TRPM6: variants seen among roughly 807,000 people sequenced by gnomAD.
The protein encoded by TRPM6 is transient receptor potential cation channel subfamily M member 6.
TRPM6 carries 111 observed loss-of-function variants against 247.6 expected under a neutral mutation model. The observed-to-expected ratio is 0.45, with a 90% confidence interval of 0.38 to 0.52. The LOEUF (loss-of-function observed/expected upper bound fraction) is 0.52, where lower values mean the gene tolerates loss of function less well. Among genes scored for constraint, TRPM6 ranks in the 20% least tolerant of loss-of-function variants. The pLI is 0.00. For missense variants in TRPM6, 2,126 were observed against 2,421.5 expected, an observed-to-expected ratio of 0.88 and a Z score of 2.56; for synonymous variants, 892 against 853.8, an observed-to-expected ratio of 1.04 and a Z score of -0.78.
chr9:74,792,798 T>G (rs776583342), intron 18 of TRPM6, 28 bp from the exon 19 acceptor site: 31 of 1,604,690 alleles, frequency 1.9e-5, no homozygotes, highest in African/African-American at 2.7e-5. Flanking sequence ...AATCATTTTC[T>G]TGTCAGCAGC....
chr9:74,822,069 A>G (rs1440974859), intron 7 of TRPM6, among the ~76,000 whole-genome samples: 2 of 152,222 alleles, frequency 1.3e-5, no homozygotes, highest in African/African-American at 4.8e-5. Context: ...TTACCAGGTA[A>G]AAAGGCTTTC....
Position 74,820,417 on chromosome 9 carries a change from G to T in TRPM6, c.1021C>A (p.Pro341Thr), listed in dbSNP as rs1194925266. 1.9e-6 allele frequency: 3 copies of T among 1,614,116 alleles called. No homozygotes were observed. The highest frequency in any genetic ancestry group is 2.5e-6 in the Non-Finnish European group (3 of 1,180,026). The change falls in exon 9 of 39, where the codon CCT becomes ACT. Residue 341 changes from proline (P) to threonine (T), a missense_variant. By Grantham distance (38) the Pro-to-Thr change is conservative. Transcript: ENST00000360774. ...CAGATGATCTCCTCTTTCACCTGAG[G>T]TCGCAGCATCCTGGAAGAGAAATAA... ...KHLADEGMLR[P>T]QVKEEIICMI...
At position 74,842,194 on chromosome 9, in the gene TRPM6, T is replaced by G; in HGVS notation, c.302A>C (p.Gln101Pro). 6.2e-7 allele frequency: 1 copy of G among 1,614,194 alleles called. No homozygotes were observed. Among genetic ancestry groups the G allele is most frequent in the Non-Finnish European group, 8.5e-7 (1 of 1,180,026 alleles). Residue 101 changes from glutamine (Q) to proline (P), a missense_variant, in exon 4 of 39, where the codon CAA becomes CCA. Physicochemically the swap from Gln to Pro is moderately conservative, Grantham distance 76. Coordinates refer to ENST00000360774, the MANE Select transcript of TRPM6 (RefSeq NM_017662.5). ...GGCATGATGGGTGTGCTCTCCATCT[T>G]GGAAATTAATCGTGCCAAAAGTATC... ...PTDTFGTINFQDGEHTHHAKY... is the reference protein window; with the variant it reads ...PTDTFGTINFPDGEHTHHAKY...
intron 6 of TRPM6, among the ~76,000 whole-genome samples, chr9:74,833,542 G>A (rs1829613277): frequency 6.6e-6 from 1 of 152,176 alleles, no homozygotes; most frequent in Admixed American, 6.5e-5. Context: ...GTTTTACACA[G>A]AGGAATGGCG....
At chr9:74,868,610 A>G (rs1830928646) in intron 1 of TRPM6, among the ~76,000 whole-genome samples, 1 of 152,232 alleles carries the variant, frequency 6.6e-6, no homozygotes, top group Non-Finnish European at 1.5e-5. Flanking sequence ...AAATGTTACA[A>G]TCGTAGGCAA....
intron 24 of TRPM6, among the ~76,000 whole-genome samples, chr9:74,773,132 A>G (rs764403452): frequency 6.6e-6 from 1 of 152,114 alleles, no homozygotes; most frequent in Non-Finnish European, 1.5e-5. Flanking sequence ...ATCTCAAACA[A>G]CAACAACAAC....
chr9:74,756,840 C>T (rs1016183625), intron 27 of TRPM6, among the ~76,000 whole-genome samples: 1 of 151,188 alleles, frequency 6.6e-6, no homozygotes, highest in Non-Finnish European at 1.5e-5. Context: ...GAGTGAAACC[C>T]TGTCTCAAAA....
Position 74,787,348 on chromosome 9 carries a change from A to AG in TRPM6, c.2668-1224_2668-1223insC, listed in dbSNP as rs34338393. ...AGACTCTGTCTCAAAAGAAAAAAAA[A>AG]AAGAAAAAAAAAGAATGTGATATTG... On this transcript the variant is annotated intron_variant, in intron 20 of 38. Transcript: ENST00000360774. 6.5e-3 allele frequency among the ~76,000 whole-genome samples: 992 copies of AG among 151,932 alleles called. 32 individuals carry two copies. Among genetic ancestry groups the AG allele is most frequent in the Admixed American group, 0.053 (812 of 15,234 alleles).
rs145171848 is a variant in TRPM6, at chr9:74,766,567, C to G, written c.3537-3433G>C. 9.4e-3 allele frequency among the ~76,000 whole-genome samples: 1,438 copies of G among 152,236 alleles called. 16 individuals carry two copies. The highest frequency in any genetic ancestry group is 0.033 in the African/African-American group (1,371 of 41,548). On this transcript the variant is annotated intron_variant, in intron 25 of 38. Coordinates refer to ENST00000360774, the MANE Select transcript of TRPM6 (RefSeq NM_017662.5). ...TTCTACCTGTACTGTTTTATTTAAT[C>G]CATGTAACAACCCTATAAGGTAGGA...
chr9:74,848,497 G>C (rs1262936757), intron 3 of TRPM6, among the ~76,000 whole-genome samples: 1 of 152,134 alleles, frequency 6.6e-6, no homozygotes, highest in Non-Finnish European at 1.5e-5. Flanking sequence ...CCCATAAATT[G>C]CTTTTTTTCT....
intron 23 of TRPM6, among the ~76,000 whole-genome samples, chr9:74,779,285 A>T (rs570352973): frequency 6.6e-6 from 1 of 152,130 alleles, no homozygotes; most frequent in Non-Finnish European, 1.5e-5. Context: ...ATCTCTCCCC[A>T]TGCCCCCACA....
chr9:74,752,995 T>C (rs472625), intron 28 of TRPM6, among the ~76,000 whole-genome samples: 44,368 of 151,026 alleles, frequency 0.29, 9,412 homozygotes, highest in African/African-American at 0.6. Flanking sequence ...TACCTGTAAT[T>C]CCAGCTACTC....
chr9:74,771,975 T>G, intron 24 of TRPM6, 140 bp from the exon 25 acceptor site: 1 of 799,388 alleles, frequency 1.3e-6, no homozygotes, highest in Non-Finnish European at 2.0e-6. Context: ...TTTCTAATAT[T>G]AATGCAGAAA....
chr9:74,839,571 T>C (rs1469402202), intron 5 of TRPM6, among the ~76,000 whole-genome samples: 2 of 152,154 alleles, frequency 1.3e-5, no homozygotes, highest in South Asian at 2.1e-4. Flanking sequence ...TGCACTTGCA[T>C]GGATTCGATG....
intron 2 of TRPM6, among the ~76,000 whole-genome samples, chr9:74,858,279 C>T (rs1393943045): frequency 2.0e-5 from 3 of 152,066 alleles, no homozygotes; most frequent in South Asian, 2.1e-4. Context: ...CCCAGCTACT[C>T]GGGAGGTTGA....
intron 23 of TRPM6, among the ~76,000 whole-genome samples, chr9:74,776,551 A>C (rs1827229561): frequency 6.6e-6 from 1 of 152,244 alleles, no homozygotes; most frequent in African/African-American, 2.4e-5. Flanking sequence ...AAACGGAAGA[A>C]GAATCAATTC....
At position 74,817,145 on chromosome 9, in the gene TRPM6, TG is replaced by T. The variant is rs375007394; in HGVS notation, c.1135-182del. 7.9e-5 allele frequency among the ~76,000 whole-genome samples: 12 copies of T among 152,104 alleles called. No homozygotes were observed. The South Asian group carries it at 2.3e-3, about 29-fold the overall frequency. The stretch of plus-strand genomic sequence containing the variant: ...AGGGTAACAAAGAATTATGGGCACT[TG>T]GGGGGGAAAAAACTAAAAATTCCAC... On this transcript the variant is annotated intron_variant, in intron 9 of 38. Coordinates refer to ENST00000360774, the MANE Select transcript of TRPM6 (RefSeq NM_017662.5).
At position 74,738,552 on chromosome 9, in the gene TRPM6, C is replaced by G. The variant is rs771049990; in HGVS notation, c.5631G>C (p.Lys1877Asn). Reference protein sequence around the residue: ...HSANQWLTIEKYMTGEFRKYN... With the variant: ...HSANQWLTIENYMTGEFRKYN... ...ACTTCCGGAACTCCCCTGTCATATACTTCTCAATGGTCAACCACTGGTTGG... is the reference window on the plus strand; with the variant it reads ...ACTTCCGGAACTCCCCTGTCATATAGTTCTCAATGGTCAACCACTGGTTGG... Residue 1877 changes from lysine (K) to asparagine (N), a missense_variant, in exon 36 of 39, where the codon AAG becomes AAC. Physicochemically the swap from Lys to Asn is moderately conservative, Grantham distance 94. Coordinates refer to ENST00000360774, the MANE Select transcript of TRPM6 (RefSeq NM_017662.5). 6 of 1,613,986 alleles carry G rather than the reference C, an allele frequency of 3.7e-6. No homozygotes were observed. The highest frequency in any genetic ancestry group is 3.3e-5 in the Admixed American group (2 of 59,994).
chr9:74,743,715 T>G (rs1393911526), intron 32 of TRPM6, among the ~76,000 whole-genome samples: 1 of 152,218 alleles, frequency 6.6e-6, no homozygotes, highest in Admixed American at 6.5e-5. Context: ...GAGGCCCCAT[T>G]GAGGGTACAA....
Sources: gnomAD v4.1 joint callset for allele counts (sites outside exome capture counted in the v4.1 genomes callset) on GRCh38, gnomAD v4.1.1 for gene constraint, MANE v1.5 for transcripts, NCBI Gene and HGNC (gene_info 2026-07-23, HGNC 2026-07-21) for gene names.